MESD: variants seen among roughly 807,000 people sequenced by gnomAD.
The protein encoded by MESD is mesoderm development LRP chaperone.
MESD carries 7 observed loss-of-function variants against 12.9 expected under a neutral mutation model. The observed-to-expected ratio is 0.54, with a 90% CI of 0.31 to 1.02. The LOEUF (loss-of-function observed/expected upper bound fraction) is 1.02. MESD is among the 50% of genes least tolerant of loss of function. The pLI, the probability that MESD is intolerant of heterozygous loss-of-function variation, is 0.05. For synonymous variants in MESD, 126 were observed against 115.6 expected (o/e 1.09, Z -0.58); for missense variants, 342 against 296.7 (o/e 1.15, Z -1.12).
At chr15:80,952,025 T>G (rs961926709) in exon 4 of MESD, 10 of 355,162 alleles carry the variant, frequency 2.8e-5, no homozygotes, top group African/African-American at 2.1e-4. Flanking sequence ...AGAGAAGATA[T>G]CATTCATATG....
At chr15:80,988,745 A>C (rs1219118651) in intron 1 of MESD, among the ~76,000 whole-genome samples, 1 of 152,226 alleles carries the variant, frequency 6.6e-6, no homozygotes, top group Non-Finnish European at 1.5e-5. Flanking sequence ...TAACCTCCTC[A>C]TGTTGCAGAT....
intron 1 of MESD, among the ~76,000 whole-genome samples, chr15:80,986,433 A>C (rs1044516898): frequency 7.2e-5 from 11 of 152,346 alleles, no homozygotes; most frequent in African/African-American, 2.4e-4. Flanking sequence ...AACACAAAGA[A>C]ATGATTAATG....
At chr15:80,948,143 G>A (rs1438444697) in exon 5 of MESD, 2 of 157,998 alleles carry the variant, frequency 1.3e-5, no homozygotes, top group African/African-American at 4.8e-5. Context: ...GGTGACCTAA[G>A]TTGAATGGCA....
intron 1 of MESD, among the ~76,000 whole-genome samples, chr15:80,988,546 A>T (rs1902798063): frequency 6.6e-6 from 1 of 152,138 alleles, no homozygotes; most frequent in Non-Finnish European, 1.5e-5. Context: ...TCTACACTCA[A>T]ATCTATCCCA....
intron 3 of MESD, among the ~76,000 whole-genome samples, chr15:80,960,453 C>T (rs777483528): frequency 6.6e-6 from 1 of 150,432 alleles, no homozygotes; most frequent in Non-Finnish European, 1.5e-5. Flanking sequence ...CAACCAATTA[C>T]ACAAAGTGGA....
intron 2 of MESD, 142 bp from the exon 3 acceptor site, chr15:80,979,619 G>C: frequency 1.1e-6 from 1 of 914,712 alleles, no homozygotes; most frequent in Admixed American, 2.9e-5. Flanking sequence ...AAGCCTAGCA[G>C]CTACTGATAT....
At chr15:80,969,984 C>T (rs948702425) in intron 3 of MESD, among the ~76,000 whole-genome samples, 1 of 152,200 alleles carries the variant, frequency 6.6e-6, no homozygotes. Context: ...CTGCATAGGG[C>T]TGCTTGCTAT....
At chr15:80,982,857 G>A (rs570058872) in intron 1 of MESD, among the ~76,000 whole-genome samples, 42 of 152,208 alleles carry the variant, frequency 2.8e-4, no homozygotes, top group South Asian at 8.3e-4. Context: ...GAGGTAAAAC[G>A]ATCACTTGAG....
At chr15:80,959,002 T>C (rs1902037826) in intron 3 of MESD, among the ~76,000 whole-genome samples, 1 of 152,158 alleles carries the variant, frequency 6.6e-6, no homozygotes, top group Admixed American at 6.5e-5. Context: ...CAATGTGCTA[T>C]TGGGTTTCCC....
chr15:80,979,923 CATG>C (rs1348291431), intron 2 of MESD, among the ~76,000 whole-genome samples: 2 of 152,164 alleles, frequency 1.3e-5, no homozygotes, highest in African/African-American at 4.8e-5. Flanking sequence ...TAGAGTGGGT[CATG>C]ATAAGAGGCT....
downstream of MESD, among the ~76,000 whole-genome samples, chr15:80,975,257 T>C (rs961036971): frequency 6.7e-6 from 1 of 149,196 alleles, no homozygotes; most frequent in Non-Finnish European, 1.5e-5. Flanking sequence ...TAGTGGTGCA[T>C]GCTTGTAGTC....
chr15:80,965,297 G>A (rs955525912), intron 3 of MESD, among the ~76,000 whole-genome samples: 1 of 152,192 alleles, frequency 6.6e-6, no homozygotes, highest in Non-Finnish European at 1.5e-5. Flanking sequence ...AAAAAGTCAG[G>A]AAACAACAGA....
chr15:80,948,669 C>A, exon 5 of MESD: 1 of 1,244,630 alleles, frequency 8.0e-7, no homozygotes, highest in South Asian at 1.2e-5. Context: ...TCCCAAGGGG[C>A]CACAGTGCAG....
At chr15:80,979,560 G>C (rs1438555069) in intron 2 of MESD, 83 bp from the exon 3 acceptor site, 13 of 1,462,572 alleles carry the variant, frequency 8.9e-6, no homozygotes, top group Non-Finnish European at 1.2e-5. Context: ...GCACTTATCA[G>C]TTTATTTCAA....
intron 3 of MESD, among the ~76,000 whole-genome samples, chr15:80,957,559 C>T (rs76039103): frequency 0.025 from 3,843 of 152,162 alleles, 159 homozygotes; most frequent in African/African-American, 0.087. Context: ...GCTTAGGCTC[C>T]CATGATTGGA....
intron 1 of MESD, among the ~76,000 whole-genome samples, chr15:80,983,247 G>GA (rs11316947): frequency 0.015 from 2,023 of 131,458 alleles, 42 homozygotes; most frequent in African/African-American, 0.051. Context: ...TGTCTTAAAA[G>GA]AAAAAAAAAA....
chr15:80,952,079 C>A, exon 4 of MESD: 1 of 422,666 alleles, frequency 2.4e-6, no homozygotes, highest in Non-Finnish European at 4.8e-6. Flanking sequence ...CATTTCTAAG[C>A]TGTCAGGAGG....
chr15:80,980,668 G>A (rs1902549955), intron 2 of MESD, among the ~76,000 whole-genome samples: 1 of 152,154 alleles, frequency 6.6e-6, no homozygotes, highest in East Asian at 1.9e-4. Context: ...AGGCATGGTT[G>A]CCAGTGACAG....
chr15:80,971,949 C>CA (rs989147460), downstream of MESD, among the ~76,000 whole-genome samples: 2,314 of 88,334 alleles, frequency 0.026, 47 homozygotes, highest in African/African-American at 0.08. Context: ...GATTCTGTCT[C>CA]AAAAAAAAAA....
Sources: allele counts gnomAD v4.1 joint callset (sites outside exome capture counted in the v4.1 genomes callset), GRCh38; gene constraint gnomAD v4.1.1; transcripts MANE v1.5; gene names NCBI Gene and HGNC (gene_info 2026-07-23, HGNC 2026-07-21).